Variants in NBEAL1 observed in about 807,000 individuals in gnomAD.
NBEAL1 encodes neurobeachin-like protein 1.
Under a neutral mutation model 351.3 loss-of-function variants are expected in NBEAL1, and 273 were observed. The observed-to-expected ratio is 0.78, with a 90% CI of 0.70 to 0.86. The LOEUF is 0.86. Ranked by LOEUF, NBEAL1 falls within the 40% of genes least tolerant of loss-of-function variation. The pLI is 0.00. For missense variants in NBEAL1, 2,961 were observed against 3,201.3 expected, an observed-to-expected ratio of 0.92 and a Z score of 1.81; for synonymous variants, 1,050 against 1,086.4, an observed-to-expected ratio of 0.97 and a Z score of 0.66.
Position 203,175,156 on chromosome 2 carries a change from T to C in NBEAL1, c.6333T>C (p.Asn2111=). The change falls in exon 42 of 56, where the codon AAT becomes AAC. Residue 2111 remains asparagine, a synonymous_variant. Transcript: ENST00000683969. ...GATTTTTTCCCCACAGATATGAAAA[T>C]TTTGAGGATCCTATGGGAACTATTG... is the stretch of plus-strand genomic sequence containing the variant. ...NAKAMREKYE[N]FEDPMGTIDK... 2.5e-6 allele frequency: 4 copies of C among 1,610,064 alleles called. No individual in the cohort carries two copies. The highest frequency in any genetic ancestry group is 3.4e-6 in the Non-Finnish European group (4 of 1,178,348).
At chr2:203,041,737 TAATATTA>T (rs1478369040) in intron 2 of NBEAL1, 21 bp from the exon 3 acceptor site, 1 of 1,488,016 alleles carries the variant, frequency 6.7e-7, no homozygotes. Flanking sequence ...TAGGCATACT[TAATATTA>T]TAATGGTTTT....
intron 54 of NBEAL1, among the ~76,000 whole-genome samples, chr2:203,212,464 G>A (rs1304226866): frequency 2.0e-5 from 3 of 151,672 alleles, no homozygotes; most frequent in Admixed American, 6.6e-5. Flanking sequence ...AAAATTAGCC[G>A]GGTGTGGTGG....
At chr2:203,086,794 A>C (rs1201759173) in intron 10 of NBEAL1, among the ~76,000 whole-genome samples, 2 of 152,154 alleles carry the variant, frequency 1.3e-5, no homozygotes, top group Non-Finnish European at 2.9e-5. Flanking sequence ...CTTAGCCCCC[A>C]GAAATGCTGG....
chr2:203,072,918 G>C (rs1484259711), intron 7 of NBEAL1, among the ~76,000 whole-genome samples: 1 of 152,068 alleles, frequency 6.6e-6, no homozygotes, highest in Admixed American at 6.6e-5. Flanking sequence ...CTATTGATTT[G>C]GTGGCTCAAA....
At chr2:203,142,079 G>C (rs2063396869) in intron 31 of NBEAL1, among the ~76,000 whole-genome samples, 1 of 152,182 alleles carries the variant, frequency 6.6e-6, no homozygotes, top group African/African-American at 2.4e-5. Flanking sequence ...AAATCACCTA[G>C]AGGAGCATTC....
At chr2:203,123,083 C>G (rs72934554) in intron 19 of NBEAL1, among the ~76,000 whole-genome samples, 13,894 of 148,688 alleles carry the variant, frequency 0.093, 747 homozygotes, top group Non-Finnish European at 0.13. Flanking sequence ...GAGGGCTTGC[C>G]GGTAAATCAG....
At chr2:203,081,143 A>G (rs1275547188) in intron 8 of NBEAL1, among the ~76,000 whole-genome samples, 1 of 152,226 alleles carries the variant, frequency 6.6e-6, no homozygotes, top group Non-Finnish European at 1.5e-5. Context: ...TGGCATTAGT[A>G]CAAGGGTGTT....
At chr2:203,128,180 AAGG>A (rs1484176105) in intron 24 of NBEAL1, among the ~76,000 whole-genome samples, 2 of 150,978 alleles carry the variant, frequency 1.3e-5, no homozygotes, top group East Asian at 3.9e-4. Flanking sequence ...CATCTCCCAG[AAGG>A]AGAAGTGGTT....
Position 203,144,990 on chromosome 2 carries a change from CTTTTTTA to C in NBEAL1, c.5155-14_5155-8del, listed in dbSNP as rs780704049. The C allele has an allele frequency of 2.8e-5, 42 of 1,518,018 alleles. No individual in the cohort carries two copies. The African/African-American group carries it at 5.5e-4, about 20-fold the overall frequency. 94.0% of individuals were successfully genotyped at this position (1,518,018 alleles called of 1,614,324 possible). On this transcript the variant is annotated splice_polypyrimidine_tract_variant and intron_variant, in intron 32 of 55. Coordinates refer to ENST00000683969, the MANE Select transcript of NBEAL1 (RefSeq NM_001378026.1). The stretch of plus-strand genomic sequence containing the variant: ...AAGTCATATATTAAATTTTATGTAT[CTTTTTTA>C]TTTTTTTGGTAAGATTGTACCTTAT...
intron 35 of NBEAL1, among the ~76,000 whole-genome samples, chr2:203,152,601 A>G (rs972377641): frequency 1.3e-5 from 2 of 151,888 alleles, no homozygotes; most frequent in Admixed American, 6.6e-5. Context: ...AAAACAAACA[A>G]AAATTTTGCC....
At chr2:203,014,733 C>A (rs1390341711), upstream of NBEAL1, 1 of 152,266 alleles carries the variant, frequency 6.6e-6, no homozygotes, top group Non-Finnish European at 1.5e-5. Flanking sequence ...GGCTTCAGGT[C>A]ACCCCGCCCA....
intron 48 of NBEAL1, among the ~76,000 whole-genome samples, chr2:203,198,315 G>A (rs949367145): frequency 4.0e-5 from 6 of 151,846 alleles, no homozygotes; most frequent in African/African-American, 1.2e-4. Flanking sequence ...TTCGTTTGTC[G>A]GGGGTTGCTT....
chr2:203,204,566 A>T (rs991836919), intron 51 of NBEAL1, among the ~76,000 whole-genome samples: 1 of 151,630 alleles, frequency 6.6e-6, no homozygotes, highest in Non-Finnish European at 1.5e-5. Flanking sequence ...TCGAACTCCT[A>T]GGCTCAAGCG....
rs1559337953 is a variant in NBEAL1, at chr2:203,059,496, A to G, written c.515+2043A>G. Among the ~76,000 whole-genome samples, 3 of 152,212 alleles carry G rather than the reference A, an allele frequency of 2.0e-5. No homozygotes were observed. The East Asian group carries it at 5.8e-4, about 29-fold the overall frequency. On this transcript the variant is annotated intron_variant, in intron 6 of 55. Transcript: ENST00000683969. ...CCATGTGTGAGAGAAAAAGTTTTGA[A>G]AGGTGTCAAATTGGCAATTTAATGT... is the stretch of plus-strand genomic sequence containing the variant.
chr2:203,201,723 T>C lies in NBEAL1; in HGVS notation c.7411+8T>C, dbSNP rs1172655283. 3 of 1,555,676 alleles carry C rather than the reference T, an allele frequency of 1.9e-6. No homozygotes were observed. The highest frequency in any genetic ancestry group is 2.6e-6 in the Non-Finnish European group (3 of 1,149,828). On this transcript the variant is annotated splice_region_variant and intron_variant, in intron 50 of 55. Coordinates refer to ENST00000683969, the MANE Select transcript of NBEAL1 (RefSeq NM_001378026.1). ...ACATCATCCGGCATATGGGTAAGCA[T>C]TAGCTTTTTTTCCAAAAATGCTCAA...
intron 3 of NBEAL1, among the ~76,000 whole-genome samples, chr2:203,047,591 G>T (rs2061249724): frequency 6.6e-6 from 1 of 151,984 alleles, no homozygotes; most frequent in African/African-American, 2.4e-5. Flanking sequence ...ACCTCTCTCT[G>T]CAGGTCCCTC....
At chr2:203,093,300 C>T (rs1391531264) in intron 10 of NBEAL1, among the ~76,000 whole-genome samples, 1 of 147,898 alleles carries the variant, frequency 6.8e-6, no homozygotes, top group African/African-American at 2.5e-5. Context: ...CAATGTAATT[C>T]CTACTAAAAT....
chr2:203,191,402 C>T, intron 46 of NBEAL1: 1 of 336,752 alleles, frequency 3.0e-6, no homozygotes, highest in South Asian at 4.8e-5. Flanking sequence ...ATATTTCTTT[C>T]CCTATACTGG....
At chr2:203,105,108 C>T (rs1328437234) in intron 12 of NBEAL1, among the ~76,000 whole-genome samples, 1 of 151,956 alleles carries the variant, frequency 6.6e-6, no homozygotes, top group East Asian at 2.0e-4. Flanking sequence ...CTACCCCCCT[C>T]AGCCTCCCAA....
Sources: gnomAD v4.1 joint callset for allele counts (sites outside exome capture counted in the v4.1 genomes callset) on GRCh38, gnomAD v4.1.1 for gene constraint, MANE v1.5 for transcripts, NCBI Gene and HGNC (gene_info 2026-07-23, HGNC 2026-07-21) for gene names.